The following TRIM5 variants were observed in gnomAD, a reference collection of about 807,000 sequenced individuals.
TRIM5 encodes the protein tripartite motif containing 5.
A neutral mutation model predicts 35.6 loss-of-function variants in TRIM5; 31 were observed. The ratio of observed to expected loss-of-function variants is 0.87; its 90% CI spans 0.65 to 1.18. The LOEUF (loss-of-function observed/expected upper bound fraction) is 1.18. Among genes scored for constraint, TRIM5 ranks in the 50% most tolerant of loss-of-function variants. The pLI, the probability that TRIM5 is intolerant of heterozygous loss-of-function variation, is 0.00. For synonymous variants in TRIM5, 243 were observed against 215.6 expected (o/e 1.13, Z -1.11); for missense variants, 609 against 591.6 (o/e 1.03, Z -0.31).
At chr11:5,643,449 C>G in the TRIM5 span, 1 of 1,614,188 alleles carries the variant, frequency 6.2e-7, no homozygotes, top group South Asian at 1.1e-5. Flanking sequence ...TATAGGGTTA[C>G]AGAATAAATG....
At chr11:5,638,623 T>C in the TRIM5 span, among the ~76,000 whole-genome samples, 1 of 152,232 alleles carries the variant, frequency 6.6e-6, no homozygotes. Flanking sequence ...TGTTTTAGTG[T>C]CTGGGACAGG....
At chr11:5,632,216 T>G in the TRIM5 span, 1 of 1,532,718 alleles carries the variant, frequency 6.5e-7, no homozygotes, top group Non-Finnish European at 8.7e-7. Context: ...TGCTTTTTAT[T>G]TGTACCATTC....
At chr11:5,671,951 G>A (rs2342390) in intron 4 of TRIM5, among the ~76,000 whole-genome samples, 122,895 of 151,982 alleles carry the variant, frequency 0.81, 49,991 homozygotes, top group Non-Finnish European at 0.85. Flanking sequence ...CTACAATCAA[G>A]GCAAAGAAAA....
the TRIM5 span, chr11:5,643,250 T>C: frequency 2.5e-6 from 4 of 1,613,946 alleles, no homozygotes; most frequent in Non-Finnish European, 3.4e-6. Flanking sequence ...GTTATAATTA[T>C]GGTGTCTTGG....
intron 4 of TRIM5, among the ~76,000 whole-genome samples, chr11:5,673,996 C>G (rs778653413): frequency 6.0e-5 from 9 of 151,172 alleles, no homozygotes; most frequent in Non-Finnish European, 1.2e-4. Flanking sequence ...AAAGGAACAA[C>G]AAAAAACTCA....
intron 1 of TRIM5, among the ~76,000 whole-genome samples, chr11:5,684,640 A>G (rs1445958421): frequency 6.6e-6 from 1 of 152,210 alleles, no homozygotes; most frequent in African/African-American, 2.4e-5. Flanking sequence ...TCTCTACAGC[A>G]AAGTTCAATT....
chr11:5,675,822 G>A (rs915141245), intron 4 of TRIM5, among the ~76,000 whole-genome samples: 1 of 126,820 alleles, frequency 7.9e-6, no homozygotes, highest in African/African-American at 2.9e-5. Context: ...TCTAGCATTA[G>A]GTATATCTCC....
chr11:5,626,722 A>T, the TRIM5 span: 1 of 152,120 alleles, frequency 6.6e-6, no homozygotes, highest in South Asian at 2.1e-4. Context: ...TCTACTAAAA[A>T]AATGCAAAAA....
chr11:5,667,579 A>T, intron 5 of TRIM5, 110 bp downstream of exon 5: 1 of 1,192,846 alleles, frequency 8.4e-7, no homozygotes, highest in Non-Finnish European at 1.2e-6. Context: ...CAATATCGAA[A>T]TTTTTCTGCC....
At chr11:5,657,702 A>T in the TRIM5 span, among the ~76,000 whole-genome samples, 1 of 130,204 alleles carries the variant, frequency 7.7e-6, no homozygotes, top group African/African-American at 3.1e-5. Context: ...AATATAATAT[A>T]TATAAATATA....
At chr11:5,607,191 A>G in the TRIM5 span, among the ~76,000 whole-genome samples, 14 of 152,108 alleles carry the variant, frequency 9.2e-5, no homozygotes, top group Admixed American at 3.3e-4. Context: ...GCGACAGAGC[A>G]AGACTCCATC....
the TRIM5 span, among the ~76,000 whole-genome samples, chr11:5,622,975 C>T: frequency 5.3e-5 from 8 of 152,148 alleles, no homozygotes; most frequent in East Asian, 5.8e-4. Flanking sequence ...CAGCTGAGTC[C>T]GGAAGGGGGT....
At chr11:5,615,081 C>G in the TRIM5 span, among the ~76,000 whole-genome samples, 1 of 152,032 alleles carries the variant, frequency 6.6e-6, no homozygotes, top group African/African-American at 2.4e-5. Context: ...TGAGGATGTT[C>G]ATATATCTTT....
chr11:5,597,270 T>C, the TRIM5 span, among the ~76,000 whole-genome samples: 2 of 152,116 alleles, frequency 1.3e-5, no homozygotes, highest in African/African-American at 2.4e-5. Flanking sequence ...TTGGTGAGGA[T>C]TGAGTGAGAC....
the TRIM5 span, among the ~76,000 whole-genome samples, chr11:5,648,512 T>A: frequency 6.6e-6 from 1 of 151,678 alleles, no homozygotes; most frequent in Non-Finnish European, 1.5e-5. Flanking sequence ...TCTCAAAAAA[T>A]AAATAAATAA....
chr11:5,657,108 A>T, the TRIM5 span, among the ~76,000 whole-genome samples: 2 of 152,186 alleles, frequency 1.3e-5, no homozygotes, highest in African/African-American at 2.4e-5. Context: ...TGGCACATAT[A>T]CATCATGGAA....
chr11:5,665,328 G>A lies in TRIM5; in HGVS notation c.963C>T (p.Ser321=). Residue 321 remains serine, a synonymous_variant, in exon 8 of 8, where the codon AGC becomes AGT. Transcript: ENST00000380034. The part of the protein sequence containing the change: ...AVISEDKRQV[S]SPKPQIIYGA... ...CATATATTATCTGTGGTTTCGGAGA[G>A]CTCACTTGTCTCTTATCTTCAGAAA... 1 of 1,613,976 alleles carries A rather than the reference G, an allele frequency of 6.2e-7. No homozygotes were observed. Among genetic ancestry groups the A allele is most frequent in the Non-Finnish European group, 8.5e-7 (1 of 1,179,998 alleles).
intron 3 of TRIM5, 133 bp from the exon 4 acceptor site, chr11:5,678,567 G>T: frequency 3.0e-6 from 2 of 659,980 alleles, no homozygotes; most frequent in Non-Finnish European, 2.5e-6. Flanking sequence ...TCTTAGGAAA[G>T]CTGCCTTTTC....
At chr11:5,672,280 C>G (rs561260413) in intron 4 of TRIM5, among the ~76,000 whole-genome samples, 136 of 152,232 alleles carry the variant, frequency 8.9e-4, no homozygotes, top group African/African-American at 2.7e-3. Context: ...GGTGCCATCT[C>G]GACTCAGTAT....
Sources: allele counts gnomAD v4.1 joint callset (sites outside exome capture counted in the v4.1 genomes callset), GRCh38; gene constraint gnomAD v4.1.1; transcripts MANE v1.5; gene names NCBI Gene and HGNC (gene_info 2026-07-23, HGNC 2026-07-21).